Variants in CNTN5 observed in about 807,000 individuals in gnomAD.
CNTN5 encodes contactin-5.
In CNTN5, 77 loss-of-function variants were observed where a neutral mutation model predicts 129.1. The observed-to-expected ratio is 0.60, with a 90% CI of 0.50 to 0.72. The LOEUF (loss-of-function observed/expected upper bound fraction) is 0.72, where lower values mean the gene tolerates loss of function less well. CNTN5 is among the 30% of genes least tolerant of loss of function. The pLI is 0.00. For missense variants in CNTN5, 1,478 were observed against 1,328.8 expected, an observed-to-expected ratio of 1.11 and a Z score of -1.75; for synonymous variants, 509 against 465.6, an observed-to-expected ratio of 1.09 and a Z score of -1.20.
chr11:99,594,084 G>A (rs555648490), intron 3 of CNTN5, among the ~76,000 whole-genome samples: 1 of 152,106 alleles, frequency 6.6e-6, no homozygotes, highest in Non-Finnish European at 1.5e-5. Context: ...CCTGATTGTT[G>A]TTCTGCCTAG....
At chr11:99,041,164 C>T (rs1000320340) in intron 1 of CNTN5, among the ~76,000 whole-genome samples, 22 of 152,098 alleles carry the variant, frequency 1.4e-4, no homozygotes, top group African/African-American at 5.1e-4. Context: ...CAGGAGCCAA[C>T]TCCAATAACT....
intron 1 of CNTN5, among the ~76,000 whole-genome samples, chr11:99,085,674 G>C (rs1475780882): frequency 6.6e-6 from 1 of 152,066 alleles, no homozygotes; most frequent in African/African-American, 2.4e-5. Context: ...CATTTGGATA[G>C]TAAGAAAATT....
At chr11:100,103,010 T>A (rs1414800982) in intron 13 of CNTN5, among the ~76,000 whole-genome samples, 1 of 152,188 alleles carries the variant, frequency 6.6e-6, no homozygotes, top group Non-Finnish European at 1.5e-5. Context: ...TAGATGTCCG[T>A]GACCTTGTCT....
intron 4 of CNTN5, among the ~76,000 whole-genome samples, chr11:99,832,514 G>A (rs757947683): frequency 4.6e-5 from 7 of 152,046 alleles, no homozygotes; most frequent in Non-Finnish European, 1.0e-4. Context: ...TTAATAAATC[G>A]TTCTCTTCAA....
intron 21 of CNTN5, among the ~76,000 whole-genome samples, chr11:100,337,851 G>A (rs905076680): frequency 1.3e-5 from 2 of 152,168 alleles, no homozygotes; most frequent in Non-Finnish European, 2.9e-5. Flanking sequence ...ATTGCTTGAG[G>A]AAGTTACAAA....
chr11:99,480,391 G>A (rs182977881), intron 2 of CNTN5, among the ~76,000 whole-genome samples: 74 of 152,204 alleles, frequency 4.9e-4, no homozygotes, highest in African/African-American at 1.7e-3. Context: ...GGCATCTTTG[G>A]CAGGATATTT....
chr11:100,156,692 T>C (rs1325568787), intron 13 of CNTN5, among the ~76,000 whole-genome samples: 1 of 152,228 alleles, frequency 6.6e-6, no homozygotes, highest in South Asian at 2.1e-4. Flanking sequence ...TATTCAGGGA[T>C]TCAACTTCTT....
intron 1 of CNTN5, among the ~76,000 whole-genome samples, chr11:99,289,287 AT>A (rs1455981116): frequency 1.3e-5 from 2 of 151,770 alleles, no homozygotes; most frequent in African/African-American, 4.8e-5. Flanking sequence ...TATTGAAGCC[AT>A]TTAAATAGTC....
intron 9 of CNTN5, among the ~76,000 whole-genome samples, chr11:100,014,889 A>G (rs1940740353): frequency 6.6e-6 from 1 of 152,152 alleles, no homozygotes; most frequent in African/African-American, 2.4e-5. Flanking sequence ...TAGAACTCCA[A>G]ACCAAGCACA....
At chr11:99,038,562 A>C (rs137945411) in intron 1 of CNTN5, among the ~76,000 whole-genome samples, 1 of 152,106 alleles carries the variant, frequency 6.6e-6, no homozygotes, top group African/African-American at 2.4e-5. Context: ...CATTGACTCA[A>C]TGAATTTTAC....
chr11:99,396,622 T>C (rs2055601), intron 2 of CNTN5, among the ~76,000 whole-genome samples: 151,528 of 151,698 alleles, frequency 1, 75,680 homozygotes, highest in Middle Eastern at 1. Context: ...GAGTAAGTAG[T>C]GAAAGAACTA....
intron 13 of CNTN5, among the ~76,000 whole-genome samples, chr11:100,174,710 G>T (rs1298801486): frequency 6.6e-6 from 1 of 152,068 alleles, no homozygotes; most frequent in African/African-American, 2.4e-5. Flanking sequence ...TGACAAAAAG[G>T]CGGCCCCCTT....
At chr11:100,197,152 GCAAA>G (rs1948659674) in intron 15 of CNTN5, among the ~76,000 whole-genome samples, 1 of 151,970 alleles carries the variant, frequency 6.6e-6, no homozygotes, top group Non-Finnish European at 1.5e-5. Flanking sequence ...AGCACGTTGG[GCAAA>G]CAAAGAAGGG....
intron 2 of CNTN5, among the ~76,000 whole-genome samples, chr11:99,481,311 A>G (rs957692824): frequency 6.6e-6 from 1 of 152,144 alleles, no homozygotes; most frequent in Non-Finnish European, 1.5e-5. Context: ...CATTAATATC[A>G]AAATATTTGT....
intron 21 of CNTN5, among the ~76,000 whole-genome samples, chr11:100,321,971 T>C (rs1951704594): frequency 6.6e-6 from 1 of 152,182 alleles, no homozygotes; most frequent in Non-Finnish European, 1.5e-5. Flanking sequence ...GCATGTATAT[T>C]AATCAGGGAT....
At chr11:99,631,415 T>A (rs1258669933) in intron 3 of CNTN5, among the ~76,000 whole-genome samples, 4 of 152,032 alleles carry the variant, frequency 2.6e-5, no homozygotes, top group Non-Finnish European at 5.9e-5. Context: ...CTGCTTGAAT[T>A]AGTAAAGAAC....
At chr11:100,220,374 T>C (rs756511062) in intron 15 of CNTN5, among the ~76,000 whole-genome samples, 16 of 151,476 alleles carry the variant, frequency 1.1e-4, no homozygotes, top group Admixed American at 2.6e-4. Context: ...ATTAAACTTA[T>C]CTAAAAATCT....
chr11:99,582,198 G>T (rs550547880), intron 3 of CNTN5, among the ~76,000 whole-genome samples: 214 of 152,304 alleles, frequency 1.4e-3, no homozygotes, highest in African/African-American at 4.8e-3. Flanking sequence ...GAGATCAGCT[G>T]TTAGTCTGAT....
At chr11:99,383,089 T>C (rs758212299) in intron 2 of CNTN5, among the ~76,000 whole-genome samples, 39 of 129,806 alleles carry the variant, frequency 3.0e-4, no homozygotes, top group Non-Finnish European at 5.9e-4. Flanking sequence ...ACTCCTGACC[T>C]TGTGATCCGC....
Sources: gnomAD v4.1 joint callset for allele counts (sites outside exome capture counted in the v4.1 genomes callset) on GRCh38, gnomAD v4.1.1 for gene constraint, MANE v1.5 for transcripts, NCBI Gene and HGNC (gene_info 2026-07-23, HGNC 2026-07-21) for gene names.